Variants in USP53 observed in about 807,000 individuals in gnomAD.
USP53 encodes ubiquitin specific peptidase 53, also known as ubiquitin carboxyl-terminal hydrolase 53.
A neutral mutation model predicts 94.9 loss-of-function variants in USP53; 71 were observed. That is an observed-to-expected ratio of 0.75 (90% CI 0.62 to 0.91). USP53 has a LOEUF of 0.91. Ranked by LOEUF, USP53 falls within the 40% of genes least tolerant of loss-of-function variation. The pLI is 0.00. For missense variants in USP53, 1,173 were observed against 1,281.0 expected (o/e 0.92, Z 1.29); for synonymous variants, 375 against 422.7 (o/e 0.89, Z 1.39).
At position 119,291,155 on chromosome 4, in the gene USP53, C is replaced by CCCAAA; in HGVS notation, c.2252-9_2252-8insCAAAC. 2.3e-6 allele frequency: 3 copies of CCCAAA among 1,289,272 alleles called. No homozygotes were observed. Among genetic ancestry groups the CCCAAA allele is most frequent in the Non-Finnish European group, 3.2e-6 (3 of 940,126 alleles). The allele number at this position is 1,289,272 out of a possible 1,614,324, so 79.9% of individuals were successfully genotyped here. ...TCCTCATCTCTTCTCCCCACCCCAC[C>CCCAAA]CAACCCTAGGCTTTAGAAAAGAACT... On this transcript the variant is annotated splice_polypyrimidine_tract_variant and intron_variant, in intron 17 of 18. Coordinates refer to ENST00000692078, the MANE Select transcript of USP53 (RefSeq NM_001371395.1).
intron 3 of USP53, among the ~76,000 whole-genome samples, chr4:119,233,587 G>C (rs1188272105): frequency 1.3e-5 from 2 of 151,924 alleles, no homozygotes; most frequent in African/African-American, 2.4e-5. Context: ...TGAACTTGTT[G>C]CTCACTAGTA....
chr4:119,263,738 C>G (rs1412153300), intron 12 of USP53, among the ~76,000 whole-genome samples: 1 of 152,056 alleles, frequency 6.6e-6, no homozygotes, highest in Admixed American at 6.6e-5. Flanking sequence ...TAAGTTATTC[C>G]TAGGCTGAAG....
rs536056674 is a variant in USP53, at chr4:119,286,842, A to T, written c.2252-4323A>T. 3.3e-5 allele frequency among the ~76,000 whole-genome samples: 5 copies of T among 152,156 alleles called. No individual in the cohort carries two copies. In the South Asian group the frequency reaches 1.0e-3, roughly 32 times the overall value. On this transcript the variant is annotated intron_variant, in intron 17 of 18. Coordinates refer to ENST00000692078, the MANE Select transcript of USP53 (RefSeq NM_001371395.1). ...TTTCTTGTCACATCTTTTTTTAATC[A>T]TAAAATAGCTGTTGAAAAGATTGGC...
chr4:119,292,833 T>TA lies in USP53; in HGVS notation c.2845dup (p.Thr949AsnfsTer5), dbSNP rs1561367815. ...GCGAATCTACACCTGATGTCAAACT[T>TA]ACAGAGGTGTTTAAAGCTACCTCTC... On this transcript the variant is annotated frameshift_variant, in exon 19 of 19. Coordinates refer to ENST00000692078, the MANE Select transcript of USP53 (RefSeq NM_001371395.1). LOFTEE classifies it low-confidence loss of function (END_TRUNC). The TA allele has an allele frequency of 1.9e-6, 3 of 1,614,094 alleles. No individual in the cohort carries two copies. Among genetic ancestry groups the TA allele is most frequent in the Non-Finnish European group, 1.7e-6 (2 of 1,179,976 alleles).
intron 17 of USP53, among the ~76,000 whole-genome samples, chr4:119,288,962 A>T (rs2149479833): frequency 7.0e-6 from 1 of 142,378 alleles, no homozygotes; most frequent in African/African-American, 2.6e-5. Context: ...AAAAAAAAAT[A>T]CTGGTTTGCT....
chr4:119,225,538 A>T (rs892759093), intron 3 of USP53, among the ~76,000 whole-genome samples: 9 of 152,108 alleles, frequency 5.9e-5, no homozygotes, highest in Non-Finnish European at 1.3e-4. Context: ...CGAGGTCCAG[A>T]GATCAAGACC....
At chr4:119,288,903 A>G (rs1754411272) in intron 17 of USP53, among the ~76,000 whole-genome samples, 1 of 148,516 alleles carries the variant, frequency 6.7e-6, no homozygotes, top group Non-Finnish European at 1.5e-5. Context: ...GTGCCATTGC[A>G]CTACAGCCTG....
At chr4:119,280,803 C>T (rs1303962411) in intron 17 of USP53, among the ~76,000 whole-genome samples, 1 of 152,096 alleles carries the variant, frequency 6.6e-6, no homozygotes, top group Non-Finnish European at 1.5e-5. Flanking sequence ...GGATCCCAGG[C>T]TAAGGGGATA....
rs769939924 is a variant in USP53 at position 119,271,925 on chromosome 4, G to GA, written c.2068dup (p.Ser690LysfsTer3). ...GATGCAAAGGACTGAGTCTGGATAT[G>GA]AAAGCAGTGATCACATCAGTAATGG... On this transcript the variant is annotated frameshift_variant, in exon 16 of 19. Coordinates refer to ENST00000692078, the MANE Select transcript of USP53 (RefSeq NM_001371395.1). LOFTEE classifies it high-confidence loss of function. 94 of 1,614,060 alleles carry GA rather than the reference G, an allele frequency of 5.8e-5. No individual in the cohort carries two copies. The highest frequency in any genetic ancestry group is 7.8e-5 in the Non-Finnish European group (92 of 1,180,022).
chr4:119,247,725 C>T (rs995396606), intron 6 of USP53, among the ~76,000 whole-genome samples: 1 of 152,050 alleles, frequency 6.6e-6, no homozygotes, highest in Non-Finnish European at 1.5e-5. Flanking sequence ...GTGACAGTCT[C>T]GCATAGGATT....
At chr4:119,216,525 A>G (rs1351779084) in intron 2 of USP53, among the ~76,000 whole-genome samples, 1 of 152,110 alleles carries the variant, frequency 6.6e-6, no homozygotes, top group Non-Finnish European at 1.5e-5. Context: ...ATTTTAACTC[A>G]TTTTCTCCTT....
chr4:119,273,709 GT>G lies in USP53; in HGVS notation c.2251+2del, dbSNP rs768154053. 1 of 1,607,336 alleles carries G rather than the reference GT, an allele frequency of 6.2e-7. No individual in the cohort carries two copies. ...CTTCAGAGCCAACATCACTTAGAAGGTAAAAAACTTATTTGAATATAATAGT... is the reference window on the plus strand; with the variant it reads ...CTTCAGAGCCAACATCACTTAGAAGGAAAAAACTTATTTGAATATAATAGT... On this transcript the variant is annotated splice_donor_variant, in intron 17 of 18. Coordinates refer to ENST00000692078, the MANE Select transcript of USP53 (RefSeq NM_001371395.1). LOFTEE classifies it high-confidence loss of function.
At chr4:119,283,349 A>G (rs1291910172) in intron 17 of USP53, among the ~76,000 whole-genome samples, 1 of 152,142 alleles carries the variant, frequency 6.6e-6, no homozygotes, top group East Asian at 1.9e-4. Context: ...ATTATGGGAT[A>G]ATGGCAACAG....
chr4:119,213,826 C>A (rs749201832), intron 1 of USP53, among the ~76,000 whole-genome samples: 2 of 151,312 alleles, frequency 1.3e-5, no homozygotes, highest in African/African-American at 2.4e-5. Context: ...GCCGAGATCG[C>A]GCCACTGCAT....
intron 3 of USP53, among the ~76,000 whole-genome samples, chr4:119,223,181 T>C (rs1009030802): frequency 1.3e-5 from 2 of 152,208 alleles, no homozygotes; most frequent in African/African-American, 4.8e-5. Flanking sequence ...AAGCTTAAAT[T>C]ACACCAATAT....
intron 3 of USP53, among the ~76,000 whole-genome samples, chr4:119,222,230 T>A (rs1313495016): frequency 6.6e-6 from 1 of 152,232 alleles, no homozygotes; most frequent in Admixed American, 6.5e-5. Context: ...TATTGTGATA[T>A]AAGCATACAG....
chr4:119,268,461 G>A, intron 14 of USP53, 41 bp downstream of exon 14: 1 of 1,539,984 alleles, frequency 6.5e-7, no homozygotes, highest in African/African-American at 1.4e-5. Context: ...TTCCAAGTGA[G>A]TGTCCTCCTT....
intron 3 of USP53, among the ~76,000 whole-genome samples, chr4:119,234,068 C>T (rs1746414946): frequency 6.6e-6 from 1 of 152,182 alleles, no homozygotes. Context: ...CCTTGCAGGT[C>T]ACCTAAACTT....
chr4:119,266,450 G>A (rs1578516203), intron 12 of USP53: 3 of 422,802 alleles, frequency 7.1e-6, no homozygotes, highest in Admixed American at 5.3e-5. Flanking sequence ...ATTCTCAGCA[G>A]CACTTCGTGT....
Sources: allele counts gnomAD v4.1 joint callset (sites outside exome capture counted in the v4.1 genomes callset), GRCh38; gene constraint gnomAD v4.1.1; transcripts MANE v1.5; gene names NCBI Gene and HGNC (gene_info 2026-07-23, HGNC 2026-07-21).